NID1: variants seen among roughly 807,000 people sequenced by gnomAD.
NID1 encodes the protein nidogen-1.
In NID1, 76 loss-of-function variants were observed where a neutral mutation model predicts 130.6. The observed-to-expected ratio is 0.58, with a 90% confidence interval of 0.48 to 0.70. The LOEUF is 0.70. Ranked by LOEUF, NID1 falls within the 30% of genes least tolerant of loss-of-function variation. The probability of loss-of-function intolerance (pLI) is 0.00; values close to 1 mark genes in which losing one functional copy is unlikely to be tolerated. For missense variants in NID1, 1,517 were observed against 1,664.8 expected (o/e 0.91, Z 1.54); for synonymous variants, 665 against 675.1 (o/e 0.98, Z 0.23).
intron 12 of NID1, among the ~76,000 whole-genome samples, chr1:236,002,503 A>AAAACAAACAAAC (rs71174487): frequency 2.2e-3 from 325 of 150,698 alleles, no homozygotes; most frequent in African/African-American, 7.3e-3. Flanking sequence ...ACTCTGTCTA[A>AAAACAAACAAAC]AAACAAACAA....
At chr1:236,022,040 C>A (rs915698458) in intron 9 of NID1, among the ~76,000 whole-genome samples, 1 of 152,070 alleles carries the variant, frequency 6.6e-6, no homozygotes, top group Non-Finnish European at 1.5e-5. Flanking sequence ...GAGGCCAAGG[C>A]AAGTGGATTG....
rs1480630096 is a variant in NID1 at position 236,022,994 on chromosome 1, G to C, written c.2128+1076C>G. 2.0e-5 allele frequency among the ~76,000 whole-genome samples: 3 copies of C among 151,534 alleles called. No homozygotes were observed. In the East Asian group the frequency reaches 5.8e-4, roughly 29 times the overall value. On this transcript the variant is annotated intron_variant, in intron 9 of 19. Transcript: ENST00000264187. ...GAATCACTTGAGCCCAGGAGGCAGA[G>C]GCTGCAGTGAGCCAAGATCACGCCA...
intron 1 of NID1, among the ~76,000 whole-genome samples, chr1:236,059,711 C>T (rs1190500821): frequency 3.3e-5 from 5 of 152,180 alleles, no homozygotes; most frequent in South Asian, 4.1e-4. Context: ...AAAGGGGTCC[C>T]GATCCAGACC....
chr1:236,053,743 T>C (rs984911115), intron 1 of NID1, among the ~76,000 whole-genome samples: 2 of 152,168 alleles, frequency 1.3e-5, no homozygotes, highest in Admixed American at 6.5e-5. Flanking sequence ...CTGATACATA[T>C]GAGTCTCCCC....
intron 14 of NID1, among the ~76,000 whole-genome samples, chr1:235,985,822 G>C (rs548345095): frequency 6.6e-6 from 1 of 152,000 alleles, no homozygotes; most frequent in Non-Finnish European, 1.5e-5. Flanking sequence ...GTGTAGTGGC[G>C]TGATTACTGC....
rs989690139 is a variant in NID1 at position 235,977,843 on chromosome 1, A to T, written c.*24T>A. The T allele has an allele frequency of 1.2e-6, 2 of 1,612,026 alleles. No homozygotes were observed. Among genetic ancestry groups the T allele is most frequent in the South Asian group, 2.2e-5 (2 of 90,888 alleles). On this transcript the variant is annotated 3_prime_UTR_variant, in exon 20 of 20. Transcript: ENST00000264187. ...TAGAGTGTTGCTGTGAAATACTTGG[A>T]AAGGAAATAAGGCACTCTTGTCTTC...
chr1:236,011,912 C>A lies in NID1; in HGVS notation c.2527+9G>T, dbSNP rs148152098. The A allele has an allele frequency of 1.9e-6, 3 of 1,613,470 alleles. No individual in the cohort carries two copies. In the South Asian group the frequency reaches 3.3e-5, roughly 18 times the overall value. ...TGGGCTACCGACTCCAGATGTCCCA[C>A]CACCTTACCTCCGGGCACGCAACGG... On this transcript the variant is annotated intron_variant, in intron 12 of 19. Coordinates refer to ENST00000264187, the MANE Select transcript of NID1 (RefSeq NM_002508.3).
intron 1 of NID1, among the ~76,000 whole-genome samples, chr1:236,051,261 C>T (rs1659756512): frequency 6.8e-6 from 1 of 146,692 alleles, no homozygotes; most frequent in African/African-American, 2.5e-5. Flanking sequence ...CCCCCTCCCC[C>T]TGCCCCTCCC....
chr1:236,025,845 G>T (rs765036587), intron 8 of NID1, 51 bp downstream of exon 8: 1 of 1,590,256 alleles, frequency 6.3e-7, no homozygotes, highest in Non-Finnish European at 8.6e-7. Context: ...AAAGAGTGGG[G>T]TTTTAAAAAT....
intron 12 of NID1, among the ~76,000 whole-genome samples, chr1:236,007,354 C>T (rs1265658689): frequency 6.6e-6 from 1 of 152,202 alleles, no homozygotes; most frequent in African/African-American, 2.4e-5. Context: ...TAGCCAGTTA[C>T]ATTCCCTCAG....
At chr1:235,998,197 C>T (rs1206803977) in intron 12 of NID1, among the ~76,000 whole-genome samples, 1 of 152,162 alleles carries the variant, frequency 6.6e-6, no homozygotes, top group Non-Finnish European at 1.5e-5. Context: ...TGTTGGTTTG[C>T]TTAACGTGGT....
chr1:235,996,608 A>G (rs975388712), intron 12 of NID1, among the ~76,000 whole-genome samples: 1 of 151,822 alleles, frequency 6.6e-6, no homozygotes, highest in South Asian at 2.1e-4. Flanking sequence ...CACTTGGCTA[A>G]TTTTTTGCAT....
At position 236,045,491 on chromosome 1, in the gene NID1, C is replaced by A; in HGVS notation, c.718G>T (p.Ala240Ser). The A allele has an allele frequency of 6.2e-7, 1 of 1,614,102 alleles. No individual in the cohort carries two copies. Among genetic ancestry groups the A allele is most frequent in the Non-Finnish European group, 8.5e-7 (1 of 1,180,020 alleles). Reference sequence around the variant, plus strand: ...TTTTCAACTGATTCCCTGTCATTAGCAAATATGTTATAAGCTCCGTTGCTC... The same window carrying A: ...TTTTCAACTGATTCCCTGTCATTAGAAAATATGTTATAAGCTCCGTTGCTC... ...WKSNGAYNIFANDRESVENLA... is the reference protein window; with the variant it reads ...WKSNGAYNIFSNDRESVENLA... The change falls in exon 3 of 20, where the codon GCT (alanine) becomes TCT (serine). Residue 240 changes from alanine (A) to serine (S), a missense_variant. Physicochemically the swap from Ala to Ser is moderately conservative, Grantham distance 99 (BLOSUM62 1). Around this residue, in one of 3 missense-constraint regions of NID1, gnomAD observed 1,329 missense variants for 1,429.2 expected, o/e 0.93. Transcript: ENST00000264187.
chr1:236,030,466 TA>T (rs139364410), intron 6 of NID1, among the ~76,000 whole-genome samples: 2,329 of 151,848 alleles, frequency 0.015, 44 homozygotes, highest in African/African-American at 0.04. Flanking sequence ...TTTTAATGGT[TA>T]AAAAAAAATC....
chr1:236,048,056 G>A lies in NID1; in HGVS notation c.525+634C>T, dbSNP rs547096919. On this transcript the variant is annotated intron_variant, in intron 2 of 19. Coordinates refer to ENST00000264187, the MANE Select transcript of NID1 (RefSeq NM_002508.3). ...AAAAAAAAAAAAAAAAAAAAAGGCCGGGCATGGTGGCTCACGCCTGTAATC... is the reference window on the plus strand; with the variant it reads ...AAAAAAAAAAAAAAAAAAAAAGGCCAGGCATGGTGGCTCACGCCTGTAATC... Among the ~76,000 whole-genome samples the A allele has an allele frequency of 1.5e-3, 194 of 125,940 alleles. 1 individual carries two copies. The highest frequency in any genetic ancestry group is 5.6e-3 in the African/African-American group (185 of 33,258). 82.6% of individuals were successfully genotyped at this position (125,940 alleles called of 152,430 possible).
chr1:236,026,788 G>C (rs1387047156), intron 7 of NID1, among the ~76,000 whole-genome samples: 1 of 150,478 alleles, frequency 6.6e-6, no homozygotes, highest in Non-Finnish European at 1.5e-5. Context: ...ACCCAGGCTG[G>C]AGAGCAGTGG....
chr1:236,006,763 G>A (rs1438881016), intron 12 of NID1, among the ~76,000 whole-genome samples: 1 of 152,162 alleles, frequency 6.6e-6, no homozygotes, highest in Non-Finnish European at 1.5e-5. Context: ...GGGGCTGCTG[G>A]TAAAGCTCTA....
At chr1:235,990,768 G>T in intron 14 of NID1, 118 bp downstream of exon 14, 1 of 1,084,048 alleles carries the variant, frequency 9.2e-7, no homozygotes, top group Non-Finnish European at 1.4e-6. Context: ...GGACTACATG[G>T]AATGAGCACC....
intron 12 of NID1, among the ~76,000 whole-genome samples, chr1:236,009,063 G>A (rs1044453569): frequency 2.0e-4 from 30 of 152,192 alleles, no homozygotes; most frequent in Admixed American, 9.2e-4. Context: ...AAACGCAGAC[G>A]CAGCTCTTGT....
Sources: allele counts gnomAD v4.1 joint callset (sites outside exome capture counted in the v4.1 genomes callset), GRCh38; gene constraint gnomAD v4.1.1; regional missense constraint gnomAD v4.1.1; transcripts MANE v1.5; gene names NCBI Gene and HGNC (gene_info 2026-07-23, HGNC 2026-07-21).